CCDC171: variants seen among roughly 807,000 people sequenced by gnomAD.
CCDC171 encodes coiled-coil domain-containing protein 171.
CCDC171 carries 177 observed loss-of-function variants against 168.2 expected under a neutral mutation model. That is an observed-to-expected ratio of 1.05 (90% CI 0.93 to 1.19). CCDC171 has a LOEUF of 1.19. Ranked by LOEUF, CCDC171 falls within the 50% of genes most tolerant of loss-of-function variation. The pLI is 0.00. For missense variants in CCDC171, 1,991 were observed against 1,539.0 expected, an observed-to-expected ratio of 1.29 and a Z score of -4.91; for synonymous variants, 687 against 540.8, an observed-to-expected ratio of 1.27 and a Z score of -3.75.
chr9:16,098,875 C>CATATACAGT, the CCDC171 span, among the ~76,000 whole-genome samples: 1 of 152,164 alleles, frequency 6.6e-6, no homozygotes, highest in Non-Finnish European at 1.5e-5. Flanking sequence ...GTGCTGTGCA[C>CATATACAGT]ATATGTGGGC....
In CCDC171 at chr9:15,561,715, C is replaced by G. The variant is rs79568814; in HGVS notation, c.-111-2263C>G. 1.8e-3 allele frequency among the ~76,000 whole-genome samples: 267 copies of G among 152,218 alleles called. 2 individuals carry two copies. Among genetic ancestry groups the G allele is most frequent in the African/African-American group, 6.0e-3 (250 of 41,536 alleles). On this transcript the variant is annotated intron_variant, in intron 1 of 25. Coordinates refer to ENST00000380701, the MANE Select transcript of CCDC171 (RefSeq NM_173550.4). ...ATCATAGTTCATATTCAGCCACTGACCGTATCAACTTTGGTCCTTCATTGA... is the reference window on the plus strand; with the variant it reads ...ATCATAGTTCATATTCAGCCACTGAGCGTATCAACTTTGGTCCTTCATTGA...
chr9:15,822,487 G>GA lies in CCDC171; in HGVS notation c.3268-24207dup, dbSNP rs769844065. On this transcript the variant is annotated intron_variant, in intron 21 of 25. Coordinates refer to ENST00000380701, the MANE Select transcript of CCDC171 (RefSeq NM_173550.4). ...ACAATGAACTCAAACAAATTTACAA[G>GA]AAAAAAAACAAACACCCACATGAAC... Among the ~76,000 whole-genome samples the GA allele has an allele frequency of 2.9e-3, 434 of 151,620 alleles. 3 individuals carry two copies. Among genetic ancestry groups the GA allele is most frequent in the Non-Finnish European group, 4.8e-3 (327 of 67,834 alleles).
At chr9:16,026,145 G>A (rs958874338) in intron 6 of CCDC171, among the ~76,000 whole-genome samples, 6 of 152,046 alleles carry the variant, frequency 3.9e-5, no homozygotes, top group African/African-American at 9.7e-5. Context: ...AGTGGGTGTC[G>A]TAACCCATCT....
chr9:16,108,021 G>A, the CCDC171 span, among the ~76,000 whole-genome samples: 2 of 152,122 alleles, frequency 1.3e-5, no homozygotes, highest in African/African-American at 4.8e-5. Context: ...ATACATTGTT[G>A]CTGGCAAGTG....
At chr9:15,615,293 G>T (rs1319917595) in intron 6 of CCDC171, among the ~76,000 whole-genome samples, 3 of 152,176 alleles carry the variant, frequency 2.0e-5, no homozygotes, top group African/African-American at 7.2e-5. Flanking sequence ...GAATTTCTAA[G>T]TATCTCTACT....
At chr9:16,086,310 CA>C in the CCDC171 span, among the ~76,000 whole-genome samples, 1 of 141,540 alleles carries the variant, frequency 7.1e-6, no homozygotes, top group East Asian at 2.0e-4. Context: ...TCCCCTTTAT[CA>C]TTTTTTTTTT....
chr9:15,614,107 C>T (rs1225856664), intron 6 of CCDC171, among the ~76,000 whole-genome samples: 4 of 152,208 alleles, frequency 2.6e-5, no homozygotes, highest in Non-Finnish European at 5.9e-5. Context: ...CCTTTGCTTC[C>T]TACTTGCACA....
chr9:15,960,101 G>A (rs1343926692), intron 25 of CCDC171, among the ~76,000 whole-genome samples: 1 of 152,198 alleles, frequency 6.6e-6, no homozygotes, highest in African/African-American at 2.4e-5. Flanking sequence ...AGGGTAACTT[G>A]ACTCACTTGG....
intron 6 of CCDC171, among the ~76,000 whole-genome samples, chr9:16,024,356 C>T (rs549728512): frequency 6.6e-6 from 1 of 152,146 alleles, no homozygotes; most frequent in Admixed American, 6.5e-5. Flanking sequence ...CTTAGAGCAT[C>T]CACTCTAAAG....
chr9:15,971,813 A>G lies in CCDC171; in HGVS notation c.3958A>G (p.Arg1320Gly). The change falls in exon 26 of 26, where the codon AGA becomes GGA. Residue 1320 changes from arginine (R) to glycine (G), a missense_variant. Arg to Gly is a moderately radical substitution (Grantham distance 125). Transcript: ENST00000380701. ...SPVTMSANAN[R>G]PTQIGL ...AGTGACTATGTCTGCTAATGCCAAC[A>G]GACCAACTCAGATTGGATTATGACT... 1.9e-6 allele frequency: 3 copies of G among 1,613,270 alleles called. No individual in the cohort carries two copies. The highest frequency in any genetic ancestry group is 2.5e-6 in the Non-Finnish European group (3 of 1,179,222).
chr9:15,587,746 T>G (rs2041676596), intron 4 of CCDC171: 2 of 430,432 alleles, frequency 4.6e-6, no homozygotes, highest in South Asian at 3.3e-5. Context: ...TAACTTTTAA[T>G]GAGAGTAGAC....
At chr9:15,949,380 G>T (rs566194686) in intron 25 of CCDC171, among the ~76,000 whole-genome samples, 1 of 152,100 alleles carries the variant, frequency 6.6e-6, no homozygotes, top group South Asian at 2.1e-4. Context: ...TAGCTTGATG[G>T]GTATGGCATT....
chr9:15,947,376 C>G (rs1828532284), intron 25 of CCDC171, among the ~76,000 whole-genome samples: 1 of 151,946 alleles, frequency 6.6e-6, no homozygotes, highest in Non-Finnish European at 1.5e-5. Context: ...CTCCCTAGAT[C>G]CTGGCAATCA....
chr9:15,854,855 G>C (rs937312811), intron 23 of CCDC171, among the ~76,000 whole-genome samples: 1 of 151,544 alleles, frequency 6.6e-6, no homozygotes, highest in South Asian at 2.1e-4. Context: ...TGTTATTTAA[G>C]AGTGAGCTGA....
chr9:15,994,722 C>T (rs1832315303), intron 3 of CCDC171, among the ~76,000 whole-genome samples: 1 of 152,184 alleles, frequency 6.6e-6, no homozygotes, highest in Admixed American at 6.5e-5. Context: ...GCAGTGTTAA[C>T]AACGTCATCT....
At chr9:15,786,972 A>C (rs1407323588) in intron 21 of CCDC171, among the ~76,000 whole-genome samples, 7 of 152,128 alleles carry the variant, frequency 4.6e-5, no homozygotes, top group Admixed American at 6.6e-5. Context: ...TTGGACTCAG[A>C]CCACTTGCAC....
chr9:15,950,185 A>G (rs1366313568), intron 25 of CCDC171, among the ~76,000 whole-genome samples: 1 of 152,162 alleles, frequency 6.6e-6, no homozygotes, highest in Non-Finnish European at 1.5e-5. Context: ...AATGGAACCA[A>G]GTTGGAAACA....
chr9:15,876,262 A>G (rs1817831946), intron 24 of CCDC171, among the ~76,000 whole-genome samples: 3 of 152,122 alleles, frequency 2.0e-5, no homozygotes, highest in African/African-American at 7.2e-5. Context: ...GCTGTAATAT[A>G]TATTGTAGTT....
intron 7 of CCDC171, among the ~76,000 whole-genome samples, chr9:15,634,574 T>C (rs1564101774): frequency 6.6e-6 from 1 of 152,186 alleles, no homozygotes; most frequent in Non-Finnish European, 1.5e-5. Context: ...AGGGTATTTG[T>C]TTGGCTACTT....
Sources: gnomAD v4.1 joint callset for allele counts (sites outside exome capture counted in the v4.1 genomes callset) on GRCh38, gnomAD v4.1.1 for gene constraint, MANE v1.5 for transcripts, NCBI Gene and HGNC (gene_info 2026-07-23, HGNC 2026-07-21) for gene names.